Variants in TMEM132B observed in about 807,000 individuals in gnomAD.
TMEM132B encodes transmembrane protein 132B.
TMEM132B carries 18 observed loss-of-function variants against 90.8 expected under a neutral mutation model. That is an observed-to-expected ratio of 0.20 (90% CI 0.14 to 0.29). TMEM132B has a LOEUF of 0.29. TMEM132B is among the 10% of genes least tolerant of loss of function. TMEM132B has a pLI of 1.00. For synonymous variants in TMEM132B, 504 were observed against 523.3 expected (o/e 0.96, Z 0.50); for missense variants, 1,096 against 1,326.8 (o/e 0.83, Z 2.70).
intron 3 of TMEM132B, among the ~76,000 whole-genome samples, chr12:125,508,748 TTAG>T (rs1882904819): frequency 6.8e-6 from 1 of 147,030 alleles, no homozygotes; most frequent in Non-Finnish European, 1.5e-5. Flanking sequence ...TGAAAAGTAA[TTAG>T]AGTTTTCTTT....
intron 1 of TMEM132B, among the ~76,000 whole-genome samples, chr12:125,341,356 T>C (rs138336241): frequency 7.1e-4 from 108 of 152,338 alleles, no homozygotes; most frequent in African/African-American, 2.4e-3. Flanking sequence ...ATGCTTAGAA[T>C]GGTGTTTGAT....
chr12:125,278,565 T>C (rs1441286645), intron 1 of TMEM132B, among the ~76,000 whole-genome samples: 1 of 151,800 alleles, frequency 6.6e-6, no homozygotes, highest in Admixed American at 6.6e-5. Context: ...TATAAGTTTA[T>C]ATAAACTAGT....
At chr12:125,193,420 G>A (rs1872848624) in intron 1 of TMEM132B, among the ~76,000 whole-genome samples, 1 of 152,198 alleles carries the variant, frequency 6.6e-6, no homozygotes, top group Non-Finnish European at 1.5e-5. Context: ...CAGGGCTTGT[G>A]TTCTAGGGCA....
chr12:125,520,168 C>T (rs1472288271), intron 4 of TMEM132B, among the ~76,000 whole-genome samples: 1 of 152,212 alleles, frequency 6.6e-6, no homozygotes, highest in Non-Finnish European at 1.5e-5. Context: ...TGGATTTCTT[C>T]TCCTGGGCTT....
intron 5 of TMEM132B, among the ~76,000 whole-genome samples, chr12:125,589,279 G>GT (rs1435255924): frequency 2.0e-5 from 3 of 151,902 alleles, no homozygotes; most frequent in Non-Finnish European, 4.4e-5. Flanking sequence ...TCAGGAGATC[G>GT]AGACCATCCT....
intron 5 of TMEM132B, among the ~76,000 whole-genome samples, chr12:125,632,678 G>A (rs1886393583): frequency 6.6e-6 from 1 of 151,354 alleles, no homozygotes; most frequent in Admixed American, 6.6e-5. Flanking sequence ...TAGTGTCAAA[G>A]TTTTTTTTTC....
In TMEM132B at chr12:125,277,357, T is replaced by TA. The variant is rs1233566374; in HGVS notation, c.68-72093dup. Among the ~76,000 whole-genome samples, 21 of 152,110 alleles carry TA rather than the reference T, an allele frequency of 1.4e-4. No homozygotes were observed. Among genetic ancestry groups the TA allele is most frequent in the Admixed American group, 1.2e-3 (19 of 15,268 alleles). On this transcript the variant is annotated intron_variant, in intron 1 of 8. Transcript: ENST00000682704. This position sits in a 1 kb window ranked among gnomAD's most constrained non-coding sequence, Gnocchi z 4.3. ...AGCTGGGCGTGGTGGTGGGCTCCTGTAATCCCAGCTACTCAGGAGGCTGAG... is the reference window on the plus strand; with the variant it reads ...AGCTGGGCGTGGTGGTGGGCTCCTGTAAATCCCAGCTACTCAGGAGGCTGAG...
At chr12:125,219,845 G>A (rs531212955) in intron 1 of TMEM132B, among the ~76,000 whole-genome samples, 8 of 152,244 alleles carry the variant, frequency 5.3e-5, no homozygotes, top group African/African-American at 1.9e-4. Flanking sequence ...ATCTGAAGGA[G>A]CCACTGTTTC....
At position 125,350,118 on chromosome 12, in the gene TMEM132B, A is replaced by G. The variant is rs1202938680; in HGVS notation, c.734A>G (p.Asn245Ser). Residue 245 changes from asparagine to serine, a missense_variant, in exon 2 of 9, where the codon AAC becomes AGC. Asn to Ser is a conservative substitution (Grantham distance 46). Transcript: ENST00000682704. ...CTGGAGGAGGAAGGCAAGTGGGAGA[A>G]CAATATCCACTCGGGCCTGGAGAGC... is the stretch of plus-strand genomic sequence containing the variant. ...CPLEEEGKWE[N>S]NIHSGLESPQ... The G allele has an allele frequency of 1.9e-6, 3 of 1,614,198 alleles. No individual in the cohort carries two copies. The highest frequency in any genetic ancestry group is 2.5e-6 in the Non-Finnish European group (3 of 1,180,034).
intron 1 of TMEM132B, among the ~76,000 whole-genome samples, chr12:125,217,641 T>C (rs570895212): frequency 1.3e-5 from 2 of 152,162 alleles, no homozygotes; most frequent in African/African-American, 4.8e-5. Flanking sequence ...TATGTAGAGA[T>C]GGGGGTCTCA....
Position 125,525,249 on chromosome 12 carries a change from A to G in TMEM132B, c.1293+5624A>G, listed in dbSNP as rs7311557. Among the ~76,000 whole-genome samples the G allele has an allele frequency of 8.3e-3, 1,268 of 152,356 alleles. 19 individuals carry two copies. The highest frequency in any genetic ancestry group is 0.029 in the African/African-American group (1,197 of 41,582). ...CGGATCACAAAGAATGTATGAATCC[A>G]CAAGTATTCATTGCAGTTCTGTATG... On this transcript the variant is annotated intron_variant, in intron 4 of 8. Coordinates refer to ENST00000682704, the MANE Select transcript of TMEM132B (RefSeq NM_001366854.1).
At chr12:125,382,282 G>A (rs1401235768) in intron 2 of TMEM132B, among the ~76,000 whole-genome samples, 1 of 152,182 alleles carries the variant, frequency 6.6e-6, no homozygotes, top group Non-Finnish European at 1.5e-5. Context: ...AGGTAAGTGT[G>A]ATTTCTCAGT....
chr12:125,454,917 T>C (rs925479037), intron 3 of TMEM132B, among the ~76,000 whole-genome samples: 3 of 152,238 alleles, frequency 2.0e-5, no homozygotes, highest in Non-Finnish European at 4.4e-5. Flanking sequence ...ACTTTAAATG[T>C]AGAACTTAAA....
At chr12:125,389,547 T>G (rs576158778) in intron 2 of TMEM132B, among the ~76,000 whole-genome samples, 1 of 152,272 alleles carries the variant, frequency 6.6e-6, no homozygotes, top group South Asian at 2.1e-4. Flanking sequence ...ACCTAAACTT[T>G]CTGTTCCTCA....
chr12:125,541,271 G>A (rs1256971939), intron 4 of TMEM132B, among the ~76,000 whole-genome samples: 1 of 152,196 alleles, frequency 6.6e-6, no homozygotes, highest in Non-Finnish European at 1.5e-5. Context: ...ACAAATATTT[G>A]TTATTGAGCA....
At chr12:125,532,965 T>C (rs1450875357) in intron 4 of TMEM132B, among the ~76,000 whole-genome samples, 1 of 152,200 alleles carries the variant, frequency 6.6e-6, no homozygotes, top group Non-Finnish European at 1.5e-5. Context: ...GCAAGCCTGA[T>C]ATTTATGTTT....
rs1171554455 is a variant in TMEM132B at position 125,657,368 on chromosome 12, T to TGTGTGTGTGA, written c.*2659_*2660insTGTGTGTGAG. 2.0e-5 allele frequency: 3 copies of TGTGTGTGTGA among 151,272 alleles called. No individual in the cohort carries two copies. Among genetic ancestry groups the TGTGTGTGTGA allele is most frequent in the African/African-American group, 7.3e-5 (3 of 41,006 alleles). 9.4% of individuals were successfully genotyped at this position (151,272 alleles called of 1,614,324 possible). ...GTGTGTGTGTGTGTGTGTGTGTGTGTGAATACTGAAGAGCCAGACAACAAA... is the reference window on the plus strand; with the variant it reads ...GTGTGTGTGTGTGTGTGTGTGTGTGTGTGTGTGTGAGAATACTGAAGAGCCAGACAACAAA... On this transcript the variant is annotated 3_prime_UTR_variant, in exon 9 of 9. Coordinates refer to ENST00000682704, the MANE Select transcript of TMEM132B (RefSeq NM_001366854.1).
At chr12:125,548,793 G>A (rs1884151345) in intron 4 of TMEM132B, among the ~76,000 whole-genome samples, 2 of 152,182 alleles carry the variant, frequency 1.3e-5, no homozygotes, top group African/African-American at 4.8e-5. Flanking sequence ...CTGCTGTGTG[G>A]GAAATGGGCT....
At chr12:125,429,475 G>C (rs1027385133) in intron 3 of TMEM132B, among the ~76,000 whole-genome samples, 3 of 152,018 alleles carry the variant, frequency 2.0e-5, no homozygotes, top group Admixed American at 2.0e-4. Context: ...CAAAGTGCTG[G>C]GATTACAGGT....
Sources: gnomAD v4.1 joint callset for allele counts (sites outside exome capture counted in the v4.1 genomes callset) on GRCh38, gnomAD v4.1.1 for gene constraint, Gnocchi (gnomAD v3.1) non-coding constraint, MANE v1.5 for transcripts, NCBI Gene and HGNC (gene_info 2026-07-23, HGNC 2026-07-21) for gene names.